The following ZDHHC14 variants were observed in gnomAD, a reference collection of about 807,000 sequenced individuals.
The protein encoded by ZDHHC14 is palmitoyltransferase ZDHHC14.
ZDHHC14 carries 16 observed loss-of-function variants against 47.7 expected under a neutral mutation model. The observed-to-expected ratio is 0.34, with a 90% CI of 0.23 to 0.51. The LOEUF (loss-of-function observed/expected upper bound fraction) is 0.51. Ranked by LOEUF, ZDHHC14 falls within the 20% of genes least tolerant of loss-of-function variation. The probability of loss-of-function intolerance (pLI) is 0.97; values close to 1 mark genes in which losing one functional copy is unlikely to be tolerated. For missense variants in ZDHHC14, 515 were observed against 662.5 expected (o/e 0.78, Z 2.44); for synonymous variants, 293 against 278.9 (o/e 1.05, Z -0.50).
rs1201980359 is a variant in ZDHHC14 at position 157,428,376 on chromosome 6, G to A, written c.245+46110G>A. Among the ~76,000 whole-genome samples the A allele has an allele frequency of 2.0e-5, 3 of 152,098 alleles. No individual in the cohort carries two copies. In the East Asian group the frequency reaches 5.8e-4, roughly 29 times the overall value. On this transcript the variant is annotated intron_variant, in intron 1 of 8. Coordinates refer to ENST00000359775, the MANE Select transcript of ZDHHC14 (RefSeq NM_024630.3). ...TTCTAAACCAGTGATCTGGGAACTG[G>A]TATTCGTCTAAAATTAGCCTGTGAA...
intron 2 of ZDHHC14, among the ~76,000 whole-genome samples, chr6:157,576,445 T>C (rs1038262222): frequency 6.6e-6 from 1 of 152,244 alleles, no homozygotes; most frequent in Non-Finnish European, 1.5e-5. Context: ...CTTGGAAGTT[T>C]ACAGACTGTA....
intron 8 of ZDHHC14, among the ~76,000 whole-genome samples, chr6:157,667,877 G>T (rs752900656): frequency 6.6e-6 from 1 of 152,182 alleles, no homozygotes; most frequent in Non-Finnish European, 1.5e-5. Flanking sequence ...TTTTGAGAGC[G>T]TTTAATGAGA....
chr6:157,672,834 G>A lies in ZDHHC14; in HGVS notation c.1179G>A (p.Gly393=). The change falls in exon 9 of 9, where the codon GGG becomes GGA. Residue 393 remains glycine (G), a synonymous_variant. Transcript: ENST00000359775. ...SLTSDELHLP[G]KPGLGTPCAS... is the part of the protein sequence containing the mutation. The stretch of plus-strand genomic sequence containing the variant: ...CCAGCGACGAGCTGCACCTGCCCGG[G>A]AAGCCTGGCCTGGGCACGCCCTGCG... The A allele has an allele frequency of 6.2e-7, 1 of 1,611,734 alleles. No individual in the cohort carries two copies. Among genetic ancestry groups the A allele is most frequent in the African/African-American group, 1.3e-5 (1 of 75,002 alleles).
intron 1 of ZDHHC14, among the ~76,000 whole-genome samples, chr6:157,458,680 C>T (rs561358601): frequency 7.9e-4 from 120 of 152,000 alleles, no homozygotes; most frequent in African/African-American, 2.6e-3. Flanking sequence ...CAATGAGTGG[C>T]GCATCTTGTG....
chr6:157,573,602 T>A (rs28690221), intron 2 of ZDHHC14, among the ~76,000 whole-genome samples: 5,926 of 152,240 alleles, frequency 0.039, 150 homozygotes, highest in Non-Finnish European at 0.056. Flanking sequence ...GAAGGATCCC[T>A]CTCCAAGCCC....
At chr6:157,556,004 C>T (rs948217190) in intron 2 of ZDHHC14, among the ~76,000 whole-genome samples, 12 of 152,108 alleles carry the variant, frequency 7.9e-5, no homozygotes, top group African/African-American at 2.2e-4. Flanking sequence ...TCACAAGACA[C>T]GCAGGCCATG....
chr6:157,541,696 C>A (rs1781771464), intron 1 of ZDHHC14, among the ~76,000 whole-genome samples: 1 of 152,208 alleles, frequency 6.6e-6, no homozygotes. Context: ...TAGGTCCAGG[C>A]ATCTGACTGC....
intron 1 of ZDHHC14, among the ~76,000 whole-genome samples, chr6:157,494,801 C>T (rs1302284814): frequency 2.0e-5 from 3 of 152,184 alleles, no homozygotes; most frequent in African/African-American, 7.2e-5. Context: ...ATTTCATTTC[C>T]TGAATGCATA....
chr6:157,598,142 T>C (rs755481238), intron 3 of ZDHHC14, among the ~76,000 whole-genome samples: 52 of 152,314 alleles, frequency 3.4e-4, no homozygotes, highest in Admixed American at 9.8e-4. Flanking sequence ...CACTCTGCTG[T>C]GCGCTGCCCT....
rs548877967 is a variant in ZDHHC14, at chr6:157,592,876, C to T, written c.407-112C>T. Reference sequence around the variant, plus strand: ...TGGGTAAACCGTGGGCACCGGGGGCCCTGCCAGCCGCTGTGCCTGCTGCCC... The same window carrying T: ...TGGGTAAACCGTGGGCACCGGGGGCTCTGCCAGCCGCTGTGCCTGCTGCCC... On this transcript the variant is annotated intron_variant, in intron 2 of 8. Transcript: ENST00000359775. 8 of 1,496,856 alleles carry T rather than the reference C, an allele frequency of 5.3e-6. No individual in the cohort carries two copies. In the African/African-American group the frequency reaches 1.1e-4, roughly 21 times the overall value. The allele number at this position is 1,496,856 out of a possible 1,614,324, so 92.7% of individuals were successfully genotyped here.
intron 1 of ZDHHC14, among the ~76,000 whole-genome samples, chr6:157,450,470 G>A (rs1472135550): frequency 6.7e-6 from 1 of 149,298 alleles, no homozygotes; most frequent in Admixed American, 6.7e-5. Flanking sequence ...AGCCGAGATC[G>A]CGCCACTGCA....
At chr6:157,645,585 C>G in intron 5 of ZDHHC14, 152 bp from the exon 6 acceptor site, 1 of 611,532 alleles carries the variant, frequency 1.6e-6, no homozygotes, top group Non-Finnish European at 2.8e-6. Context: ...GACGAAATTC[C>G]CGGAAGAGCA....
intron 5 of ZDHHC14, among the ~76,000 whole-genome samples, chr6:157,636,336 A>AGTGTGTGT (rs112041409): frequency 7.5e-4 from 112 of 149,150 alleles, no homozygotes; most frequent in Middle Eastern, 3.2e-3. Flanking sequence ...AGGATATATA[A>AGTGTGTGT]GTGTGTGTGT....
intron 3 of ZDHHC14, among the ~76,000 whole-genome samples, chr6:157,605,908 AC>A (rs756941873): frequency 3.7e-4 from 56 of 152,274 alleles, no homozygotes; most frequent in Non-Finnish European, 7.5e-4. Context: ...AGAGAAGGTA[AC>A]CATCTGTTAT....
intron 1 of ZDHHC14, among the ~76,000 whole-genome samples, chr6:157,482,558 C>T (rs1374837588): frequency 4.0e-5 from 6 of 150,908 alleles, no homozygotes; most frequent in Non-Finnish European, 3.0e-5. Flanking sequence ...CTGGCTCCAA[C>T]GTCTATATTT....
In ZDHHC14 at chr6:157,623,463, G is replaced by A. The variant is rs571493405; in HGVS notation, c.566-4886G>A. On this transcript the variant is annotated intron_variant, in intron 3 of 8. Transcript: ENST00000359775. ...TGCCAGCCCTGCAGAACTGTGAATC[G>A]ATTAAACCTCTTTCCTTTATAAATT... is the stretch of plus-strand genomic sequence containing the variant. Among the ~76,000 whole-genome samples, 3 of 151,472 alleles carry A rather than the reference G, an allele frequency of 2.0e-5. No homozygotes were observed. In the South Asian group the frequency reaches 6.3e-4, roughly 32 times the overall value.
At chr6:157,481,138 G>T (rs149381663) in intron 1 of ZDHHC14, among the ~76,000 whole-genome samples, 2 of 152,106 alleles carry the variant, frequency 1.3e-5, no homozygotes, top group South Asian at 4.1e-4. Flanking sequence ...ATATGTGCTT[G>T]CACGTGTGAT....
intron 1 of ZDHHC14, among the ~76,000 whole-genome samples, chr6:157,493,113 G>T (rs1562447692): frequency 1.3e-5 from 2 of 152,216 alleles, no homozygotes; most frequent in African/African-American, 2.4e-5. Context: ...AATGATCCAG[G>T]CAAAGATGGT....
intron 2 of ZDHHC14, 167 bp from the exon 3 acceptor site, chr6:157,592,821 C>T (rs1010365103): frequency 2.1e-6 from 3 of 1,431,646 alleles, no homozygotes; most frequent in African/African-American, 1.4e-5. Flanking sequence ...GCCGGGGTCC[C>T]AGCGGAGGGT....
Sources: allele counts gnomAD v4.1 joint callset (sites outside exome capture counted in the v4.1 genomes callset), GRCh38; gene constraint gnomAD v4.1.1; transcripts MANE v1.5; gene names NCBI Gene and HGNC (gene_info 2026-07-23, HGNC 2026-07-21).